Variants in CDC25B observed in about 807,000 individuals in gnomAD.
CDC25B encodes the protein cell division cycle 25B, also known as M-phase inducer phosphatase 2.
In CDC25B, 33 loss-of-function variants were observed where a neutral mutation model predicts 69.8. The ratio of observed to expected loss-of-function variants is 0.47; its 90% CI spans 0.36 to 0.63. The LOEUF (loss-of-function observed/expected upper bound fraction) is 0.63, where lower values mean the gene tolerates loss of function less well. Among genes scored for constraint, CDC25B ranks in the 30% least tolerant of loss-of-function variants. The pLI is 0.00. For missense variants in CDC25B, 727 were observed against 809.1 expected (o/e 0.90, Z 1.23); for synonymous variants, 341 against 314.6 (o/e 1.08, Z -0.89).
chr20:3,800,692 G>T, intron 5 of CDC25B, 51 bp from the exon 6 acceptor site: 1 of 1,600,800 alleles, frequency 6.2e-7, no homozygotes, highest in South Asian at 1.1e-5. Flanking sequence ...GGCTCGTGCC[G>T]GAGGAATGCA....
At chr20:3,802,235 G>T in intron 10 of CDC25B, 46 bp from the exon 11 acceptor site, 1 of 1,573,992 alleles carries the variant, frequency 6.4e-7, no homozygotes. Context: ...GAGCACTGGG[G>T]GGCAGCCCCA....
At chr20:3,790,789 C>G (rs988289771) in intron 1 of CDC25B, among the ~76,000 whole-genome samples, 1 of 151,824 alleles carries the variant, frequency 6.6e-6, no homozygotes, top group Non-Finnish European at 1.5e-5. Context: ...AGGCTGGTCT[C>G]AAACTCCTGA....
At chr20:3,804,523 C>CCACT in intron 14 of CDC25B, 46 bp from the exon 15 acceptor site, 1 of 1,229,294 alleles carries the variant, frequency 8.1e-7, no homozygotes, top group Non-Finnish European at 1.2e-6. Flanking sequence ...GATGTACAAG[C>CCACT]CACTGCATGC....
Position 3,803,208 on chromosome 20 carries a change from T to C in CDC25B, c.1356+2T>C. On this transcript the variant is annotated splice_donor_variant, in intron 13 of 15. Coordinates refer to ENST00000245960, the MANE Select transcript of CDC25B (RefSeq NM_021873.4). LOFTEE classifies it high-confidence loss of function. The surrounding 1 kb of genome is among the most constrained non-coding windows in gnomAD (Gnocchi z 4.9). The stretch of plus-strand genomic sequence containing the variant: ...GAATATGAAGGCGGGCACATCAAGG[T>C]AAGATGGGGCAATGGGGAGAGGCCC... The C allele has an allele frequency of 6.2e-7, 1 of 1,609,252 alleles. No homozygotes were observed. The highest frequency in any genetic ancestry group is 8.5e-7 in the Non-Finnish European group (1 of 1,175,948).
At chr20:3,789,968 G>A (rs1194106356) in intron 1 of CDC25B, among the ~76,000 whole-genome samples, 6 of 151,182 alleles carry the variant, frequency 4.0e-5, no homozygotes, top group East Asian at 4.0e-4. Context: ...CAGCCTGGGC[G>A]ACAGAGCAAG....
chr20:3,792,279 A>G (rs1288597469), upstream of CDC25B, among the ~76,000 whole-genome samples: 1 of 151,464 alleles, frequency 6.6e-6, no homozygotes, highest in African/African-American at 2.4e-5. Context: ...TTGTAAAGAT[A>G]TAGACCTGCA....
upstream of CDC25B, among the ~76,000 whole-genome samples, chr20:3,792,676 C>T (rs2088935016): frequency 6.6e-6 from 1 of 152,180 alleles, no homozygotes; most frequent in Non-Finnish European, 1.5e-5. Context: ...CCATGTCGGC[C>T]AGGCTGGTCT....
chr20:3,798,355 G>T, intron 2 of CDC25B, 57 bp from the exon 3 acceptor site: 1 of 828,458 alleles, frequency 1.2e-6, no homozygotes, highest in Non-Finnish European at 1.8e-6. Context: ...GGACATGGTG[G>T]GGGAAAGAAT....
In CDC25B at chr20:3,801,815, G is replaced by C. The variant is rs772181884; in HGVS notation, c.921+13G>C. 6.3e-7 allele frequency: 1 copy of C among 1,592,940 alleles called. No individual in the cohort carries two copies. The highest frequency in any genetic ancestry group is 8.6e-7 in the Non-Finnish European group (1 of 1,169,214). ...GGAAGAGGAAAAGGTGGGCCTCTGG[G>C]GTGGCCCCCTCCGAATTTGGAGGCA... is the stretch of plus-strand genomic sequence containing the variant. On this transcript the variant is annotated intron_variant, in intron 9 of 15. Transcript: ENST00000245960.
chr20:3,796,496 C>G lies in CDC25B; in HGVS notation c.-36C>G. ...CGGCGTTTGTTGGCTGCCCTGCGCC[C>G]GGCCCTCCAGCCAGCCTTCTGCCGG... On this transcript the variant is annotated 5_prime_UTR_variant, in exon 1 of 16. Coordinates refer to ENST00000245960, the MANE Select transcript of CDC25B (RefSeq NM_021873.4). 4 of 1,438,238 alleles carry G rather than the reference C, an allele frequency of 2.8e-6. No individual in the cohort carries two copies. The highest frequency in any genetic ancestry group is 3.6e-6 in the Non-Finnish European group (4 of 1,096,434). 89.1% of individuals were successfully genotyped at this position (1,438,238 alleles called of 1,614,324 possible). A position where few individuals can be genotyped will look rare whatever the true frequency, so the allele number is the denominator to read the frequency against.
At position 3,801,986 on chromosome 20, in the gene CDC25B, G is replaced by C; in HGVS notation, c.984G>C (p.Val328=). The C allele has an allele frequency of 6.2e-7, 1 of 1,610,206 alleles. No individual in the cohort carries two copies. The highest frequency in any genetic ancestry group is 1.1e-5 in the South Asian group (1 of 90,206). ...GCTCTCCGTCCATGCCCTGCAGCGT[G>C]ATCCGGCCCATCCTCAAGAGGCTGG... ...LFRSPSMPCS[V]IRPILKRLER... The change falls in exon 10 of 16, where the codon GTG becomes GTC. Residue 328 remains valine (V), a synonymous_variant. Transcript: ENST00000245960.
In CDC25B at chr20:3,803,164, A is replaced by C. The variant is rs749353146; in HGVS notation, c.1314A>C (p.Val438=). 9 of 1,614,052 alleles carry C rather than the reference A, an allele frequency of 5.6e-6. No individual in the cohort carries two copies. The highest frequency in any genetic ancestry group is 7.6e-6 in the Non-Finnish European group (9 of 1,179,926). The change falls in exon 13 of 16, where the codon GTA becomes GTC. Residue 438 remains valine (V), a synonymous_variant. Coordinates refer to ENST00000245960, the MANE Select transcript of CDC25B (RefSeq NM_021873.4). This position sits in a 1 kb window ranked among gnomAD's most constrained non-coding sequence, Gnocchi z 4.9. ...FSNIVDKFVI[V]DCRYPYEYEG... Reference sequence around the variant, plus strand: ...ACATCGTGGATAAGTTTGTGATTGTAGACTGCAGATACCCCTATGAATATG... The same window carrying C: ...ACATCGTGGATAAGTTTGTGATTGTCGACTGCAGATACCCCTATGAATATG...
chr20:3,798,548 G>A, intron 3 of CDC25B, 85 bp downstream of exon 3: 1 of 1,120,976 alleles, frequency 8.9e-7, no homozygotes, highest in Non-Finnish European at 1.3e-6. Context: ...CACCCGGGAG[G>A]CCTGGGAAAG....
At chr20:3,799,388 C>T (rs907109408) in intron 3 of CDC25B, among the ~76,000 whole-genome samples, 9 of 152,188 alleles carry the variant, frequency 5.9e-5, no homozygotes, top group African/African-American at 2.2e-4. Flanking sequence ...TGGCTGGGCA[C>T]AGCAGCCCCC....
At position 3,805,043 on chromosome 20, in the gene CDC25B, C is replaced by A; in HGVS notation, c.*82C>A. 7.0e-7 allele frequency: 1 copy of A among 1,423,224 alleles called. No individual in the cohort carries two copies. Among genetic ancestry groups the A allele is most frequent in the Non-Finnish European group, 9.5e-7 (1 of 1,053,458 alleles). The allele number at this position is 1,423,224 out of a possible 1,614,324, so 88.2% of individuals were successfully genotyped here. A position where few individuals can be genotyped will look rare whatever the true frequency, so the allele number is the denominator to read the frequency against. On this transcript the variant is annotated 3_prime_UTR_variant, in exon 16 of 16. Transcript: ENST00000245960. ...CCTATGGGCCTGCCGGGCTGAGGGC[C>A]TGCTGGAGGCCTCAGGTGCTGTCCA... is the stretch of plus-strand genomic sequence containing the variant.
In CDC25B at chr20:3,803,671, C is replaced by A; in HGVS notation, c.1490+134C>A. 1 of 1,101,328 alleles carries A rather than the reference C, an allele frequency of 9.1e-7. No individual in the cohort carries two copies. The highest frequency in any genetic ancestry group is 1.3e-6 in the Non-Finnish European group (1 of 764,674). 68.2% of individuals were successfully genotyped at this position (1,101,328 alleles called of 1,614,324 possible). On this transcript the variant is annotated intron_variant, in intron 14 of 15. Coordinates refer to ENST00000245960, the MANE Select transcript of CDC25B (RefSeq NM_021873.4). This position sits in a 1 kb window ranked among gnomAD's most constrained non-coding sequence, Gnocchi z 4.9. ...CTCTGTCCCATCTGATGGCCTAGAG[C>A]TGACCTCAGCCCCACTTCACTGTGC...
rs199747454 is a variant in CDC25B at position 3,804,686 on chromosome 20, G to A, written c.1602+6G>A. 68 of 1,608,562 alleles carry A rather than the reference G, an allele frequency of 4.2e-5. No individual in the cohort carries two copies. In the Middle Eastern group the frequency reaches 5.0e-4, roughly 12 times the overall value. ...AGTTCTTCCCTCAGCACCCGGTAGC[G>A]TGGGTGGGGAAGGCCACAGTCTCTG... On this transcript the variant is annotated splice_donor_region_variant and intron_variant, in intron 15 of 15. Coordinates refer to ENST00000245960, the MANE Select transcript of CDC25B (RefSeq NM_021873.4).
At chr20:3,801,117 G>A in intron 7 of CDC25B, 24 bp downstream of exon 7, 1 of 1,613,074 alleles carries the variant, frequency 6.2e-7, no homozygotes, top group Non-Finnish European at 8.5e-7. Context: ...GCGGATCCCT[G>A]GGAGGGGCCT....
In CDC25B at chr20:3,805,636, G is replaced by T. The variant is rs11570023; in HGVS notation, c.*675G>T. 2.7e-5 allele frequency: 10 copies of T among 367,800 alleles called. No homozygotes were observed. The highest frequency in any genetic ancestry group is 4.9e-5 in the Non-Finnish European group (10 of 203,072). 22.8% of individuals were successfully genotyped at this position (367,800 alleles called of 1,614,324 possible). On this transcript the variant is annotated 3_prime_UTR_variant, in exon 16 of 16. Coordinates refer to ENST00000245960, the MANE Select transcript of CDC25B (RefSeq NM_021873.4). The stretch of plus-strand genomic sequence containing the variant: ...CCTGTCAAATATCAGTTACCCACTC[G>T]GTCCCAGTTTTGTTGCCCCAGAAAG...
Sources: gnomAD v4.1 joint callset for allele counts (sites outside exome capture counted in the v4.1 genomes callset) on GRCh38, gnomAD v4.1.1 for gene constraint, Gnocchi (gnomAD v3.1) non-coding constraint, MANE v1.5 for transcripts, NCBI Gene and HGNC (gene_info 2026-07-23, HGNC 2026-07-21) for gene names.